Variants in ORC3 observed in about 807,000 individuals in gnomAD.
The protein encoded by ORC3 is homolog of latheo, Drosophila.
Under a neutral mutation model 100.7 loss-of-function variants are expected in ORC3, and 78 were observed. The ratio of observed to expected loss-of-function variants is 0.77; its 90% confidence interval spans 0.65 to 0.94. The LOEUF (loss-of-function observed/expected upper bound fraction) is 0.94. Ranked by LOEUF, ORC3 falls within the 40% of genes least tolerant of loss-of-function variation. The probability of loss-of-function intolerance (pLI) is 0.00; values close to 1 mark genes in which losing one functional copy is unlikely to be tolerated. For missense variants in ORC3, 789 were observed against 823.9 expected, an observed-to-expected ratio of 0.96 and a Z score of 0.52; for synonymous variants, 295 against 289.3, an observed-to-expected ratio of 1.02 and a Z score of -0.20.
chr6:87,610,331 C>A (rs1248620364), intron 7 of ORC3, among the ~76,000 whole-genome samples: 1 of 152,008 alleles, frequency 6.6e-6, no homozygotes, highest in Non-Finnish European at 1.5e-5. Context: ...GCCTCAGCCT[C>A]CCAAGTAGCT....
intron 2 of ORC3, among the ~76,000 whole-genome samples, chr6:87,594,956 CTT>C (rs1777324956): frequency 6.6e-6 from 1 of 152,076 alleles, no homozygotes; most frequent in African/African-American, 2.4e-5. Context: ...CATGGGGAGA[CTT>C]AAATATGCTT....
At chr6:87,643,553 G>T (rs530726031) in intron 13 of ORC3, among the ~76,000 whole-genome samples, 3 of 152,172 alleles carry the variant, frequency 2.0e-5, no homozygotes, top group Non-Finnish European at 2.9e-5. Context: ...GCGGTATTCC[G>T]CTAATAGTGA....
At chr6:87,662,104 C>G (rs1348226161) in intron 16 of ORC3, among the ~76,000 whole-genome samples, 1 of 152,054 alleles carries the variant, frequency 6.6e-6, no homozygotes, top group Non-Finnish European at 1.5e-5. Context: ...TTTCTGCCTT[C>G]TAACGTAATA....
intron 11 of ORC3, among the ~76,000 whole-genome samples, chr6:87,632,989 C>T (rs1011076440): frequency 2.6e-5 from 4 of 152,146 alleles, no homozygotes; most frequent in African/African-American, 9.7e-5. Context: ...TATTCCTCAT[C>T]GAACACTTAT....
At chr6:87,622,527 CAAA>C (rs1779608873) in intron 11 of ORC3, among the ~76,000 whole-genome samples, 1 of 152,014 alleles carries the variant, frequency 6.6e-6, no homozygotes, top group African/African-American at 2.4e-5. Flanking sequence ...TAAGGAATAT[CAAA>C]AGAAGGAGGG....
At chr6:87,640,067 G>A (rs1334413575) in intron 13 of ORC3, among the ~76,000 whole-genome samples, 3 of 152,104 alleles carry the variant, frequency 2.0e-5, no homozygotes, top group Non-Finnish European at 4.4e-5. Context: ...TCAAACCCCA[G>A]TGTGTCACGC....
intron 3 of ORC3, among the ~76,000 whole-genome samples, chr6:87,602,985 A>ATAT (rs1387217000): frequency 7.5e-5 from 10 of 132,916 alleles, no homozygotes; most frequent in South Asian, 2.3e-4. Context: ...ATATATATAC[A>ATAT]ATTTTTTTTT....
chr6:87,637,943 AC>A (rs1376323546), intron 13 of ORC3, among the ~76,000 whole-genome samples: 1 of 152,128 alleles, frequency 6.6e-6, no homozygotes, highest in Non-Finnish European at 1.5e-5. Context: ...GGCACACTTT[AC>A]CCCCTGAGGA....
At chr6:87,648,693 C>T (rs76927193) in intron 13 of ORC3, among the ~76,000 whole-genome samples, 1,829 of 152,260 alleles carry the variant, frequency 0.012, 36 homozygotes, top group African/African-American at 0.04. Context: ...TCAAATGACA[C>T]TTGATACACA....
intron 3 of ORC3, among the ~76,000 whole-genome samples, chr6:87,602,952 A>G (rs978392237): frequency 2.7e-5 from 3 of 112,860 alleles, no homozygotes; most frequent in Admixed American, 1.1e-4. Flanking sequence ...ATACACATAT[A>G]TAATATATAT....
chr6:87,639,252 A>G (rs1241001495), intron 13 of ORC3, among the ~76,000 whole-genome samples: 1 of 152,130 alleles, frequency 6.6e-6, no homozygotes, highest in African/African-American at 2.4e-5. Flanking sequence ...ATAACCACAG[A>G]TCAGATGAGA....
Position 87,622,033 on chromosome 6 carries a change from TCA to T in ORC3, c.1185+21_1185+22del, listed in dbSNP as rs1779574235. ...TTGAAGGTAGGAATGTGAATGTGTT[TCA>T]GTTTCATTCTCTTTTTCCTTTCATA... On this transcript the variant is annotated intron_variant, in intron 11 of 19. Transcript: ENST00000392844. The T allele has an allele frequency of 6.7e-7, 1 of 1,497,338 alleles. No individual in the cohort carries two copies. The highest frequency in any genetic ancestry group is 1.4e-5 in the African/African-American group (1 of 72,700). 92.8% of individuals were successfully genotyped at this position (1,497,338 alleles called of 1,614,324 possible).
Position 87,595,722 on chromosome 6 carries a change from A to G in ORC3, c.79+1315A>G, listed in dbSNP as rs79705877. Among the ~76,000 whole-genome samples the G allele has an allele frequency of 5.8e-3, 883 of 152,314 alleles. 5 individuals are homozygous for G. The highest frequency in any genetic ancestry group is 0.018 in the African/African-American group (765 of 41,556). On this transcript the variant is annotated intron_variant, in intron 2 of 19. Transcript: ENST00000392844. ...TTGAGTTTTAATCACTCATAGACACACATACTCATGATATTAAGGGAGTGG... is the reference window on the plus strand; with the variant it reads ...TTGAGTTTTAATCACTCATAGACACGCATACTCATGATATTAAGGGAGTGG...
intron 4 of ORC3, among the ~76,000 whole-genome samples, chr6:87,604,645 G>A (rs1281891735): frequency 6.6e-6 from 1 of 152,058 alleles, no homozygotes; most frequent in Non-Finnish European, 1.5e-5. Context: ...CAAATATAAC[G>A]AATATAATGT....
At chr6:87,592,307 G>A (rs759078330) in intron 1 of ORC3, among the ~76,000 whole-genome samples, 1 of 152,158 alleles carries the variant, frequency 6.6e-6, no homozygotes. Flanking sequence ...ATGTGATTTC[G>A]CACACTTCTG....
chr6:87,594,551 A>G, intron 2 of ORC3, 144 bp downstream of exon 2: 1 of 1,338,708 alleles, frequency 7.5e-7, no homozygotes, highest in Admixed American at 3.0e-5. Context: ...GGCATTGGTC[A>G]AAGAGATAAG....
At chr6:87,602,605 A>T (rs75126680) in intron 3 of ORC3, among the ~76,000 whole-genome samples, 1 of 152,112 alleles carries the variant, frequency 6.6e-6, no homozygotes, top group Non-Finnish European at 1.5e-5. Context: ...GCAAAGGCTC[A>T]TTCACGTATT....
Position 87,636,415 on chromosome 6 carries a change from G to A in ORC3, c.1311G>A (p.Glu437=). 1 of 1,600,306 alleles carries A rather than the reference G, an allele frequency of 6.2e-7. No homozygotes were observed. Among genetic ancestry groups the A allele is most frequent in the South Asian group, 1.1e-5 (1 of 90,804 alleles). The change falls in exon 13 of 20, where the codon GAG becomes GAA. Residue 437 remains glutamate, a synonymous_variant. Transcript: ENST00000392844. ...GTGTTGTTCCCTTACAGATCAGAGA[G>A]TTGTACTGTACATGTTTAGAAAAGA... The part of the protein sequence containing the change: ...PKYPLGRQIR[E]LYCTCLEKNI...
At chr6:87,592,751 G>A (rs1010826298) in intron 1 of ORC3, among the ~76,000 whole-genome samples, 3 of 152,204 alleles carry the variant, frequency 2.0e-5, no homozygotes, top group East Asian at 1.9e-4. Flanking sequence ...CCTAGGTATC[G>A]TTCTTTCATT....
Sources: allele counts gnomAD v4.1 joint callset (sites outside exome capture counted in the v4.1 genomes callset), GRCh38; gene constraint gnomAD v4.1.1; transcripts MANE v1.5; gene names NCBI Gene and HGNC (gene_info 2026-07-23, HGNC 2026-07-21).